The following SESTD1 variants were observed in gnomAD, a reference collection of about 807,000 sequenced individuals.
SESTD1 encodes SEC14 domain and spectrin repeat-containing protein 1.
A neutral mutation model predicts 101.7 loss-of-function variants in SESTD1; 43 were observed. The ratio of observed to expected loss-of-function variants is 0.42; its 90% CI spans 0.33 to 0.55. SESTD1 has a LOEUF of 0.55. Among genes scored for constraint, SESTD1 ranks in the 20% least tolerant of loss-of-function variants. The probability of loss-of-function intolerance (pLI) is 0.07; values close to 1 mark genes in which losing one functional copy is unlikely to be tolerated. For synonymous variants in SESTD1, 283 were observed against 286.8 expected, an observed-to-expected ratio of 0.99 and a Z score of 0.13; for missense variants, 647 against 815.1, an observed-to-expected ratio of 0.79 and a Z score of 2.51.
At chr2:179,231,561 T>A (rs564153315) in intron 1 of SESTD1, among the ~76,000 whole-genome samples, 1 of 150,402 alleles carries the variant, frequency 6.6e-6, no homozygotes, top group Non-Finnish European at 1.5e-5. Context: ...AAGCACATCA[T>A]AGAGAAATAA....
Position 179,255,005 on chromosome 2 carries a change from T to C in SESTD1, c.-26+9494A>G, listed in dbSNP as rs150080810. 1.2e-3 allele frequency among the ~76,000 whole-genome samples: 177 copies of C among 152,318 alleles called. 1 individual carries two copies. The highest frequency in any genetic ancestry group is 4.1e-3 in the African/African-American group (169 of 41,562). On this transcript the variant is annotated intron_variant, in intron 1 of 17. Transcript: ENST00000428443. Reference sequence around the variant, plus strand: ...GATCAGTGATCTTTGATGTTACTACTGTAATTGTTTGGGGGCACCATGAAT... The same window carrying C: ...GATCAGTGATCTTTGATGTTACTACCGTAATTGTTTGGGGGCACCATGAAT...
chr2:179,169,041 A>T (rs576693805), intron 5 of SESTD1, among the ~76,000 whole-genome samples: 2 of 152,294 alleles, frequency 1.3e-5, no homozygotes, highest in African/African-American at 4.8e-5. Flanking sequence ...AAAAATACTT[A>T]GTCCAAAGGC....
chr2:179,157,113 C>A (rs925846166), intron 5 of SESTD1, among the ~76,000 whole-genome samples: 1 of 151,928 alleles, frequency 6.6e-6, no homozygotes, highest in African/African-American at 2.4e-5. Context: ...GTTTGCTACC[C>A]CTTTTACATT....
chr2:179,183,806 G>C (rs1031268558), intron 2 of SESTD1, among the ~76,000 whole-genome samples: 7 of 147,950 alleles, frequency 4.7e-5, no homozygotes, highest in African/African-American at 1.0e-4. Context: ...TAGCAAGATT[G>C]CATGGAAAGA....
chr2:179,161,109 G>A (rs2045727919), intron 5 of SESTD1, among the ~76,000 whole-genome samples: 1 of 149,164 alleles, frequency 6.7e-6, no homozygotes, highest in African/African-American at 2.5e-5. Context: ...TTTTGTAGAG[G>A]AGGGTTCTCA....
chr2:179,121,724 ATATTGT>A (rs1372941896), intron 13 of SESTD1, 40 bp downstream of exon 13: 4 of 1,478,140 alleles, frequency 2.7e-6, no homozygotes, highest in East Asian at 2.4e-5. Flanking sequence ...ATTTTAACTA[ATATTGT>A]TATTATTTTA....
At chr2:179,114,731 C>T (rs768982917) in intron 16 of SESTD1, among the ~76,000 whole-genome samples, 3 of 151,972 alleles carry the variant, frequency 2.0e-5, no homozygotes, top group African/African-American at 4.8e-5. Context: ...GTTTCCCTTC[C>T]AGGCATAACG....
chr2:179,203,048 C>T (rs1245952886), intron 1 of SESTD1, among the ~76,000 whole-genome samples: 1 of 134,648 alleles, frequency 7.4e-6, no homozygotes, highest in Non-Finnish European at 1.6e-5. Flanking sequence ...GATGTGGAGT[C>T]CTGATAAGTA....
At chr2:179,233,190 C>G (rs2047010571) in intron 1 of SESTD1, among the ~76,000 whole-genome samples, 1 of 152,168 alleles carries the variant, frequency 6.6e-6, no homozygotes. Context: ...ACTACGTATT[C>G]TCAGGATGTA....
chr2:179,113,572 T>G (rs1256953077), intron 16 of SESTD1, among the ~76,000 whole-genome samples: 1 of 152,210 alleles, frequency 6.6e-6, no homozygotes, highest in African/African-American at 2.4e-5. Context: ...GCATTACACT[T>G]TATCTAATCA....
chr2:179,237,160 T>C (rs1186851251), intron 1 of SESTD1, among the ~76,000 whole-genome samples: 1 of 152,142 alleles, frequency 6.6e-6, no homozygotes, highest in Non-Finnish European at 1.5e-5. Context: ...CAAATGAAAT[T>C]ATTTTCTAAT....
At chr2:179,223,788 A>G (rs1156765046) in intron 1 of SESTD1, among the ~76,000 whole-genome samples, 7 of 152,158 alleles carry the variant, frequency 4.6e-5, no homozygotes, top group Admixed American at 4.6e-4. Context: ...TGTTGATAAC[A>G]TTTATGTTCA....
intron 1 of SESTD1, among the ~76,000 whole-genome samples, chr2:179,192,607 G>A (rs1295410551): frequency 6.6e-6 from 1 of 152,164 alleles, no homozygotes; most frequent in Non-Finnish European, 1.5e-5. Flanking sequence ...ATAGCCAGGG[G>A]TTATAGCTAA....
intron 5 of SESTD1, among the ~76,000 whole-genome samples, chr2:179,166,458 A>T (rs191117411): frequency 5.9e-5 from 9 of 152,322 alleles, no homozygotes; most frequent in African/African-American, 1.9e-4. Context: ...GGAAGAAGGG[A>T]AAAGAAAAGA....
chr2:179,128,394 G>C (rs1413363234), intron 10 of SESTD1, among the ~76,000 whole-genome samples: 1 of 152,070 alleles, frequency 6.6e-6, no homozygotes, highest in African/African-American at 2.4e-5. Context: ...TAATACATTT[G>C]CATGTATTTA....
At chr2:179,196,803 T>C (rs2046403905) in intron 1 of SESTD1, among the ~76,000 whole-genome samples, 1 of 151,980 alleles carries the variant, frequency 6.6e-6, no homozygotes, top group Non-Finnish European at 1.5e-5. Flanking sequence ...CAAAAACCCA[T>C]CTGTACATCA....
chr2:179,138,856 C>T (rs2045213803), intron 9 of SESTD1, among the ~76,000 whole-genome samples: 1 of 93,272 alleles, frequency 1.1e-5, no homozygotes, highest in Non-Finnish European at 2.0e-5. Context: ...GGGTAATAGA[C>T]TGAAACCCTG....
intron 9 of SESTD1, among the ~76,000 whole-genome samples, chr2:179,137,660 CA>C (rs1447013892): frequency 3.3e-5 from 5 of 152,324 alleles, no homozygotes; most frequent in Admixed American, 1.3e-4. Flanking sequence ...AGAATCTCTG[CA>C]TACCACATGA....
chr2:179,120,781 T>G (rs368518893), intron 13 of SESTD1, among the ~76,000 whole-genome samples: 1 of 152,222 alleles, frequency 6.6e-6, no homozygotes, highest in Non-Finnish European at 1.5e-5. Context: ...GTAGTATGAA[T>G]GTACCGTAAA....
Sources: gnomAD v4.1 joint callset for allele counts (sites outside exome capture counted in the v4.1 genomes callset) on GRCh38, gnomAD v4.1.1 for gene constraint, MANE v1.5 for transcripts, NCBI Gene and HGNC (gene_info 2026-07-23, HGNC 2026-07-21) for gene names.